DLGAP1: variants seen among roughly 807,000 people sequenced by gnomAD.
The protein encoded by DLGAP1 is DLG associated protein 1, also known as disks large-associated protein 1.
In DLGAP1, 11 loss-of-function variants were observed where a neutral mutation model predicts 90.8. The observed-to-expected ratio is 0.12, with a 90% CI of 0.08 to 0.20. The LOEUF is 0.20. Among genes scored for constraint, DLGAP1 ranks in the 10% least tolerant of loss-of-function variants. The pLI is 1.00. For missense variants in DLGAP1, 1,050 were observed against 1,333.8 expected (o/e 0.79, Z 3.31); for synonymous variants, 558 against 540.7 (o/e 1.03, Z -0.44).
intron 1 of DLGAP1, among the ~76,000 whole-genome samples, chr18:4,281,547 T>G (rs1009666710): frequency 6.6e-5 from 10 of 152,082 alleles, no homozygotes; most frequent in African/African-American, 2.4e-4. Flanking sequence ...AGAGCGAAAC[T>G]CCATCTCAAA....
rs141011992 is a variant in DLGAP1 at position 3,585,974 on chromosome 18, C to A, written c.1592-3726G>T. Among the ~76,000 whole-genome samples the A allele has an allele frequency of 4.5e-3, 688 of 152,286 alleles. 5 individuals are homozygous for A. The highest frequency in any genetic ancestry group is 0.016 in the African/African-American group (652 of 41,544). On this transcript the variant is annotated intron_variant, in intron 7 of 12. Transcript: ENST00000315677. ...TGGGGACTGAGCCTCCAGTGCGGCT[C>A]CTACACTCCCCAGGCCAACTGCAAT...
chr18:3,917,622 T>C (rs1353605969), intron 3 of DLGAP1, among the ~76,000 whole-genome samples: 7 of 152,368 alleles, frequency 4.6e-5, no homozygotes, highest in Middle Eastern at 3.4e-3. Context: ...ACCAAAGAGC[T>C]GCTCTATTCA....
chr18:3,602,593 C>CAAAAAAAA (rs71159102), intron 7 of DLGAP1, among the ~76,000 whole-genome samples: 196 of 66,068 alleles, frequency 3.0e-3, no homozygotes, highest in Non-Finnish European at 3.2e-3. Flanking sequence ...AGACTCCGTC[C>CAAAAAAAA]AAAAAAAAAA....
intron 1 of DLGAP1, among the ~76,000 whole-genome samples, chr18:4,261,985 G>T (rs2079012508): frequency 6.6e-6 from 1 of 152,162 alleles, no homozygotes; most frequent in Non-Finnish European, 1.5e-5. Flanking sequence ...CATTGATAGT[G>T]CAAGGAGTAC....
At chr18:4,190,115 T>C (rs951668469) in intron 1 of DLGAP1, among the ~76,000 whole-genome samples, 2 of 152,060 alleles carry the variant, frequency 1.3e-5, no homozygotes, top group East Asian at 1.9e-4. Context: ...GCAACCAAGA[T>C]ATCCTTTAAT....
intron 2 of DLGAP1, among the ~76,000 whole-genome samples, chr18:4,040,558 G>T (rs2074959212): frequency 6.6e-6 from 1 of 152,180 alleles, no homozygotes; most frequent in South Asian, 2.1e-4. Context: ...AAACTATGAA[G>T]TAAGTGATTA....
At chr18:3,869,447 G>T (rs1314110722) in intron 4 of DLGAP1, among the ~76,000 whole-genome samples, 1 of 152,170 alleles carries the variant, frequency 6.6e-6, no homozygotes, top group African/African-American at 2.4e-5. Context: ...TCCCAGCTAC[G>T]CTGAAGGGTG....
At chr18:3,539,866 T>G (rs572050540) in intron 9 of DLGAP1, among the ~76,000 whole-genome samples, 3 of 151,812 alleles carry the variant, frequency 2.0e-5, no homozygotes, top group African/African-American at 7.3e-5. Context: ...CCCTGGCCTC[T>G]GCTTAGCGTC....
At chr18:3,870,605 CATCTATCT>C (rs67573915) in intron 4 of DLGAP1, among the ~76,000 whole-genome samples, 3,254 of 148,202 alleles carry the variant, frequency 0.022, 35 homozygotes, top group East Asian at 0.03. Flanking sequence ...TACATAAATA[CATCTATCT>C]ATCTATCTAT....
intron 7 of DLGAP1, chr18:3,656,239 T>C: frequency 1.5e-6 from 1 of 675,472 alleles, no homozygotes; most frequent in South Asian, 2.5e-5. Flanking sequence ...AGAACGTAAC[T>C]AAACAAATAT....
intron 3 of DLGAP1, among the ~76,000 whole-genome samples, chr18:3,921,086 C>A (rs535044745): frequency 6.6e-6 from 1 of 152,260 alleles, no homozygotes; most frequent in South Asian, 2.1e-4. Context: ...GATTCTATAG[C>A]TCAATAGAAG....
At chr18:3,847,090 C>T (rs944256549) in intron 4 of DLGAP1, among the ~76,000 whole-genome samples, 8 of 152,056 alleles carry the variant, frequency 5.3e-5, no homozygotes, top group Non-Finnish European at 1.5e-5. Context: ...GCTTGCATGT[C>T]TATTTTATAA....
At chr18:3,560,630 T>C (rs1184215861) in intron 9 of DLGAP1, among the ~76,000 whole-genome samples, 2 of 148,480 alleles carry the variant, frequency 1.3e-5, no homozygotes, top group Non-Finnish European at 3.0e-5. Flanking sequence ...TAAAATTAAA[T>C]GAGCACTGGC....
At chr18:3,741,168 CCA>C (rs1297430167) in intron 6 of DLGAP1, among the ~76,000 whole-genome samples, 30 of 84,874 alleles carry the variant, frequency 3.5e-4, no homozygotes, top group African/African-American at 1.0e-3. Context: ...ACCATCACCA[CCA>C]CATCACCACC....
chr18:3,852,619 G>T (rs1314746198), intron 4 of DLGAP1, among the ~76,000 whole-genome samples: 6 of 152,158 alleles, frequency 3.9e-5, no homozygotes, highest in African/African-American at 1.4e-4. Context: ...ATGACAGGAA[G>T]TTCCTGTTGG....
intron 1 of DLGAP1, among the ~76,000 whole-genome samples, chr18:4,429,336 G>A (rs1039615121): frequency 6.6e-6 from 1 of 152,140 alleles, no homozygotes; most frequent in East Asian, 1.9e-4. Context: ...TGGAAGGTGT[G>A]AAAATACCCA....
At chr18:3,528,238 G>A (rs1157212317) in intron 10 of DLGAP1, among the ~76,000 whole-genome samples, 3 of 152,092 alleles carry the variant, frequency 2.0e-5, no homozygotes, top group African/African-American at 7.2e-5. Flanking sequence ...CCCATTTATC[G>A]AAGCTATTTT....
intron 3 of DLGAP1, among the ~76,000 whole-genome samples, chr18:4,003,614 T>C (rs895841680): frequency 6.6e-6 from 1 of 151,630 alleles, no homozygotes; most frequent in Non-Finnish European, 1.5e-5. Context: ...GCATTTGGGG[T>C]GAAAGTGTCT....
At chr18:3,783,280 C>T (rs1399573748) in intron 5 of DLGAP1, among the ~76,000 whole-genome samples, 3 of 152,172 alleles carry the variant, frequency 2.0e-5, no homozygotes, top group Non-Finnish European at 4.4e-5. Context: ...AGTATATGAA[C>T]CAGCAATTCT....
Sources: gnomAD v4.1 joint callset for allele counts (sites outside exome capture counted in the v4.1 genomes callset) on GRCh38, gnomAD v4.1.1 for gene constraint, MANE v1.5 for transcripts, NCBI Gene and HGNC (gene_info 2026-07-23, HGNC 2026-07-21) for gene names.